The following HIPK2 variants were observed in gnomAD, a reference collection of about 807,000 sequenced individuals.
HIPK2 encodes the protein homeodomain interacting protein kinase 2.
In HIPK2, 27 loss-of-function variants were observed where a neutral mutation model predicts 113.7. The observed-to-expected ratio is 0.24, with a 90% CI of 0.17 to 0.33. The LOEUF (loss-of-function observed/expected upper bound fraction) is 0.33. Ranked by LOEUF, HIPK2 falls within the 10% of genes least tolerant of loss-of-function variation. HIPK2 has a pLI of 1.00. For synonymous variants in HIPK2, 631 were observed against 642.2 expected (o/e 0.98, Z 0.26); for missense variants, 1,257 against 1,588.0 (o/e 0.79, Z 3.54).
chr7:139,751,416 T>C (rs1796275801), intron 1 of HIPK2, among the ~76,000 whole-genome samples: 1 of 152,144 alleles, frequency 6.6e-6, no homozygotes, highest in Non-Finnish European at 1.5e-5. Context: ...GCTAATTGTT[T>C]GCTGTGCCTG....
intron 2 of HIPK2, among the ~76,000 whole-genome samples, chr7:139,636,182 C>T (rs1201576900): frequency 1.3e-5 from 2 of 152,094 alleles, no homozygotes; most frequent in Non-Finnish European, 2.9e-5. Context: ...TCATTCCTTC[C>T]TGCCCTGAAA....
At chr7:139,574,633 A>C (rs1798427515) in intron 14 of HIPK2, among the ~76,000 whole-genome samples, 1 of 152,136 alleles carries the variant, frequency 6.6e-6, no homozygotes, top group Non-Finnish European at 1.5e-5. Flanking sequence ...ACAGCCCTGC[A>C]CCCACAGAAA....
chr7:139,611,306 T>C (rs999531814), intron 9 of HIPK2, among the ~76,000 whole-genome samples: 1 of 152,196 alleles, frequency 6.6e-6, no homozygotes, highest in Non-Finnish European at 1.5e-5. Flanking sequence ...ATACTAACTA[T>C]AGTACTTACA....
chr7:139,706,294 C>T (rs537473374), intron 2 of HIPK2, among the ~76,000 whole-genome samples: 10 of 152,144 alleles, frequency 6.6e-5, no homozygotes, highest in African/African-American at 1.2e-4. Flanking sequence ...CCCCAAGAGG[C>T]GGAAGCGGGC....
intron 2 of HIPK2, among the ~76,000 whole-genome samples, chr7:139,673,651 C>T (rs1387372139): frequency 1.3e-5 from 2 of 152,106 alleles, no homozygotes; most frequent in African/African-American, 4.8e-5. Context: ...CATGTGGGGT[C>T]TTCCCTATCC....
At chr7:139,623,748 T>C (rs1328058153) in intron 6 of HIPK2, among the ~76,000 whole-genome samples, 2 of 152,122 alleles carry the variant, frequency 1.3e-5, no homozygotes, top group Non-Finnish European at 2.9e-5. Flanking sequence ...TCACTTCCTG[T>C]AGGCCAGAAA....
At chr7:139,669,504 G>C (rs757260897) in intron 2 of HIPK2, among the ~76,000 whole-genome samples, 83 of 152,276 alleles carry the variant, frequency 5.5e-4, no homozygotes, top group Non-Finnish European at 5.9e-4. Context: ...TGAGACATCT[G>C]GTTCTCCAAA....
chr7:139,623,814 C>T (rs1023362590), intron 6 of HIPK2, among the ~76,000 whole-genome samples: 1 of 152,134 alleles, frequency 6.6e-6, no homozygotes, highest in Non-Finnish European at 1.5e-5. Flanking sequence ...CAGCAGGGCC[C>T]GCCATGATAC....
At chr7:139,643,763 T>C (rs1046525186) in intron 2 of HIPK2, among the ~76,000 whole-genome samples, 1 of 152,212 alleles carries the variant, frequency 6.6e-6, no homozygotes, top group Non-Finnish European at 1.5e-5. Context: ...GTAATGTCAA[T>C]GAGGAAGGTT....
intron 1 of HIPK2, among the ~76,000 whole-genome samples, chr7:139,757,042 T>A (rs538843286): frequency 6.6e-6 from 1 of 152,330 alleles, no homozygotes; most frequent in Non-Finnish European, 1.5e-5. Flanking sequence ...ATTTCTCACC[T>A]CTATCTTATA....
At chr7:139,609,798 C>T (rs1010757654) in intron 9 of HIPK2, among the ~76,000 whole-genome samples, 3 of 152,088 alleles carry the variant, frequency 2.0e-5, no homozygotes, top group East Asian at 1.9e-4. Flanking sequence ...AGACACAACA[C>T]GATACTGGAT....
At chr7:139,752,764 T>C (rs1585455540) in intron 1 of HIPK2, among the ~76,000 whole-genome samples, 1 of 150,860 alleles carries the variant, frequency 6.6e-6, no homozygotes, top group African/African-American at 2.4e-5. Flanking sequence ...AAAACTCTGC[T>C]GAAGCACATG....
chr7:139,652,179 C>A (rs574932876), intron 2 of HIPK2, among the ~76,000 whole-genome samples: 1 of 152,306 alleles, frequency 6.6e-6, no homozygotes, highest in African/African-American at 2.4e-5. Flanking sequence ...GTCCTTTGCA[C>A]ATTTTTGGAA....
intron 2 of HIPK2, among the ~76,000 whole-genome samples, chr7:139,649,337 C>A (rs1801370977): frequency 1.3e-5 from 2 of 152,198 alleles, no homozygotes. Flanking sequence ...CCGGTGCACA[C>A]CCGCAGATGC....
At chr7:139,598,441 C>A (rs761214031) in intron 11 of HIPK2, among the ~76,000 whole-genome samples, 1 of 152,070 alleles carries the variant, frequency 6.6e-6, no homozygotes, top group African/African-American at 2.4e-5. Context: ...ATGTATTTGT[C>A]GTTGCTAATA....
At chr7:139,576,427 C>G (rs1798494025) in intron 13 of HIPK2, among the ~76,000 whole-genome samples, 1 of 152,160 alleles carries the variant, frequency 6.6e-6, no homozygotes, top group Non-Finnish European at 1.5e-5. Context: ...CCAGGGGGTG[C>G]CAGTGCTGCT....
intron 2 of HIPK2, among the ~76,000 whole-genome samples, chr7:139,648,587 A>C (rs1801330625): frequency 6.6e-6 from 1 of 152,166 alleles, no homozygotes; most frequent in African/African-American, 2.4e-5. Flanking sequence ...AGTGAGCATC[A>C]TTCCTGCTTG....
At chr7:139,677,469 C>T (rs112584123) in intron 2 of HIPK2, among the ~76,000 whole-genome samples, 3 of 151,966 alleles carry the variant, frequency 2.0e-5, no homozygotes, top group South Asian at 2.1e-4. Flanking sequence ...ATCAAGGTGC[C>T]GGCATTTGGT....
chr7:139,737,622 A>G (rs1161880630), intron 1 of HIPK2, among the ~76,000 whole-genome samples: 2 of 152,214 alleles, frequency 1.3e-5, no homozygotes, highest in Non-Finnish European at 2.9e-5. Flanking sequence ...GGCCTCTGCT[A>G]CACCAGGAGT....
Sources: allele counts gnomAD v4.1 joint callset (sites outside exome capture counted in the v4.1 genomes callset), GRCh38; gene constraint gnomAD v4.1.1; transcripts MANE v1.5; gene names NCBI Gene and HGNC (gene_info 2026-07-23, HGNC 2026-07-21).